The following CD2AP variants were observed in gnomAD, a reference collection of about 807,000 sequenced individuals.
CD2AP encodes CD2-associated protein.
A neutral mutation model predicts 85.1 loss-of-function variants in CD2AP; 46 were observed. The ratio of observed to expected loss-of-function variants is 0.54; its 90% CI spans 0.43 to 0.69. The LOEUF (loss-of-function observed/expected upper bound fraction) is 0.69. Ranked by LOEUF, CD2AP falls within the 30% of genes least tolerant of loss-of-function variation. The pLI is 0.00. For missense variants in CD2AP, 769 were observed against 729.5 expected (o/e 1.05, Z -0.62); for synonymous variants, 255 against 252.9 (o/e 1.01, Z -0.08).
intron 14 of CD2AP, chr6:47,607,722 C>A: frequency 2.1e-6 from 1 of 487,174 alleles, no homozygotes; most frequent in Non-Finnish European, 3.7e-6. Flanking sequence ...ATCCTTACTG[C>A]TAAGAGGCAA....
chr6:47,585,141 A>T (rs1025005772), intron 11 of CD2AP, among the ~76,000 whole-genome samples: 5 of 140,336 alleles, frequency 3.6e-5, no homozygotes, highest in South Asian at 2.2e-4. Context: ...AAAATAAAAT[A>T]AAAAAAAAAA....
At chr6:47,533,351 G>T (rs1297696684) in intron 2 of CD2AP, among the ~76,000 whole-genome samples, 1 of 151,950 alleles carries the variant, frequency 6.6e-6, no homozygotes, top group Non-Finnish European at 1.5e-5. Context: ...GGGGTGAGTG[G>T]TCGGGGTGGG....
rs1582524713 is a variant in CD2AP at position 47,533,385 on chromosome 6, C to A, written c.166-217C>A. ...GGGTTTGAGCCTCTCTTTCCTTTAT[C>A]TTCATCTCCAGTTCTGATAAAACTT... On this transcript the variant is annotated intron_variant, in intron 2 of 17. Transcript: ENST00000359314. 3.3e-5 allele frequency among the ~76,000 whole-genome samples: 5 copies of A among 152,250 alleles called. 1 individual carries two copies. The highest frequency in any genetic ancestry group is 3.3e-4 in the Admixed American group (5 of 15,290).
intron 17 of CD2AP, among the ~76,000 whole-genome samples, chr6:47,622,974 A>G (rs1167253831): frequency 6.6e-6 from 1 of 152,126 alleles, no homozygotes; most frequent in Non-Finnish European, 1.5e-5. Flanking sequence ...TCTTCTACCA[A>G]TTTGTTTTTC....
chr6:47,538,230 T>C lies in CD2AP; in HGVS notation c.319+4475T>C, dbSNP rs1348700623. Among the ~76,000 whole-genome samples the C allele has an allele frequency of 2.6e-5, 4 of 152,190 alleles. No homozygotes were observed. In the South Asian group the frequency reaches 8.3e-4, roughly 32 times the overall value. ...TTGCTTATTGAAGAAATAAATTGAT[T>C]TTTATTTTATTTTATTTATTTATTT... On this transcript the variant is annotated intron_variant, in intron 3 of 17. Coordinates refer to ENST00000359314, the MANE Select transcript of CD2AP (RefSeq NM_012120.3).
intron 5 of CD2AP, among the ~76,000 whole-genome samples, chr6:47,572,764 A>G (rs1362753682): frequency 1.3e-5 from 2 of 152,176 alleles, no homozygotes; most frequent in Non-Finnish European, 2.9e-5. Flanking sequence ...ATTTATTTGT[A>G]AAATGAGGAG....
chr6:47,621,498 A>G (rs549425042), intron 17 of CD2AP, among the ~76,000 whole-genome samples: 101 of 152,120 alleles, frequency 6.6e-4, no homozygotes, highest in Admixed American at 2.0e-3. Context: ...ACTGGTCTGT[A>G]GTTTTCGTTT....
intron 2 of CD2AP, among the ~76,000 whole-genome samples, chr6:47,508,582 G>A (rs1465990768): frequency 1.3e-3 from 156 of 121,688 alleles, no homozygotes; most frequent in African/African-American, 4.8e-3. Context: ...GTCTCGCTCT[G>A]TTGCCCAGGG....
intron 3 of CD2AP, among the ~76,000 whole-genome samples, chr6:47,544,118 A>AT (rs1767304756): frequency 6.6e-6 from 1 of 152,198 alleles, no homozygotes; most frequent in Non-Finnish European, 1.5e-5. Flanking sequence ...AATGAGTTTC[A>AT]TTTTTAGCTG....
At chr6:47,608,542 A>G (rs774796426) in intron 15 of CD2AP, among the ~76,000 whole-genome samples, 10 of 152,254 alleles carry the variant, frequency 6.6e-5, no homozygotes, top group Admixed American at 3.3e-4. Context: ...CTCCCAAATT[A>G]TTTCTTGATT....
intron 5 of CD2AP, among the ~76,000 whole-genome samples, chr6:47,566,226 T>C (rs897182682): frequency 1.4e-5 from 2 of 146,724 alleles, no homozygotes; most frequent in Non-Finnish European, 3.0e-5. Flanking sequence ...TCTCTTCTCT[T>C]TTTTTTTTAA....
rs573523157 is a variant in CD2AP at position 47,557,318 on chromosome 6, T to G, written c.541+2552T>G. On this transcript the variant is annotated intron_variant, in intron 5 of 17. Coordinates refer to ENST00000359314, the MANE Select transcript of CD2AP (RefSeq NM_012120.3). ...ATAGTTTCTTTTGCTGTGCCGAAGC[T>G]CTTTAGTTTAATTAGATCCCATTTG... Among the ~76,000 whole-genome samples, 75 of 152,308 alleles carry G rather than the reference T, an allele frequency of 4.9e-4. 2 individuals are homozygous for G. The South Asian group carries it at 0.015, about 31-fold the overall frequency.
chr6:47,543,148 C>CAAAAAAAAAAAAAAAA (rs11338409), intron 3 of CD2AP, among the ~76,000 whole-genome samples: 11 of 60,304 alleles, frequency 1.8e-4, no homozygotes, highest in Admixed American at 4.9e-4. Flanking sequence ...AAGACTGTCT[C>CAAAAAAAAAAAAAAAA]AAAAAAAAAA....
chr6:47,550,346 A>G (rs1424747788), intron 4 of CD2AP, among the ~76,000 whole-genome samples: 1 of 152,182 alleles, frequency 6.6e-6, no homozygotes, highest in East Asian at 1.9e-4. Flanking sequence ...ATGAACTCCA[A>G]CAAATTAGCA....
At chr6:47,529,942 A>C (rs1766828641) in intron 2 of CD2AP, among the ~76,000 whole-genome samples, 1 of 152,126 alleles carries the variant, frequency 6.6e-6, no homozygotes, top group South Asian at 2.1e-4. Flanking sequence ...TGTTGTCTTC[A>C]TTCCTCAGAA....
chr6:47,507,841 A>G (rs968180488), intron 2 of CD2AP, among the ~76,000 whole-genome samples: 13 of 152,202 alleles, frequency 8.5e-5, no homozygotes, highest in African/African-American at 3.1e-4. Flanking sequence ...TGAAAACAAC[A>G]TTCATCTTCT....
chr6:47,520,194 G>T (rs1562013420), intron 2 of CD2AP, among the ~76,000 whole-genome samples: 1 of 152,118 alleles, frequency 6.6e-6, no homozygotes, highest in Non-Finnish European at 1.5e-5. Flanking sequence ...TGAGACTGGG[G>T]ATAAAGCAGA....
intron 1 of CD2AP, among the ~76,000 whole-genome samples, chr6:47,487,715 A>T (rs1344852536): frequency 4.7e-5 from 7 of 149,314 alleles, no homozygotes; most frequent in Non-Finnish European, 1.0e-4. Flanking sequence ...ACAAACAAAC[A>T]AAACAAAACT....
In CD2AP at chr6:47,595,969, G is replaced by A. The variant is rs1288732903; in HGVS notation, c.1217G>A (p.Gly406Glu). 2 of 1,612,718 alleles carry A rather than the reference G, an allele frequency of 1.2e-6. No individual in the cohort carries two copies. The highest frequency in any genetic ancestry group is 1.7e-6 in the Non-Finnish European group (2 of 1,179,074). The part of the protein sequence containing the change: ...TKASNLLRSS[G>E]TVYPKRPEKP... Reference sequence around the variant, plus strand: ...GCCAGTAATTTACTGAGATCTTCTGGAACAGTGTACCCAAAGCGACCTGAA... The same window carrying A: ...GCCAGTAATTTACTGAGATCTTCTGAAACAGTGTACCCAAAGCGACCTGAA... The change falls in exon 12 of 18, where the codon GGA becomes GAA. Residue 406 changes from glycine (G) to glutamate (E), a missense_variant. Gly to Glu is a moderately conservative substitution (Grantham distance 98). Coordinates refer to ENST00000359314, the MANE Select transcript of CD2AP (RefSeq NM_012120.3).
Sources: gnomAD v4.1 joint callset for allele counts (sites outside exome capture counted in the v4.1 genomes callset) on GRCh38, gnomAD v4.1.1 for gene constraint, MANE v1.5 for transcripts, NCBI Gene and HGNC (gene_info 2026-07-23, HGNC 2026-07-21) for gene names.